The following RNF38 variants were observed in gnomAD, a reference collection of about 807,000 sequenced individuals.
RNF38 encodes E3 ubiquitin-protein ligase RNF38.
RNF38 carries 15 observed loss-of-function variants against 67.2 expected under a neutral mutation model. The observed-to-expected ratio is 0.22, with a 90% CI of 0.15 to 0.34. The LOEUF (loss-of-function observed/expected upper bound fraction) is 0.34. Among genes scored for constraint, RNF38 ranks in the 10% least tolerant of loss-of-function variants. The pLI is 1.00. For synonymous variants in RNF38, 220 were observed against 218.8 expected, an observed-to-expected ratio of 1.01 and a Z score of -0.05; for missense variants, 524 against 639.9, an observed-to-expected ratio of 0.82 and a Z score of 1.95.
chr9:36,462,294 A>G (rs893323130), intron 1 of RNF38, among the ~76,000 whole-genome samples: 26 of 152,220 alleles, frequency 1.7e-4, no homozygotes, highest in African/African-American at 5.5e-4. Context: ...CTTCCCAACT[A>G]TCACCAAGAT....
At chr9:36,468,477 G>C (rs927313466) in intron 1 of RNF38, among the ~76,000 whole-genome samples, 3 of 152,126 alleles carry the variant, frequency 2.0e-5, no homozygotes, top group African/African-American at 7.2e-5. Flanking sequence ...GAGAGGTAAA[G>C]AAAAGATATC....
intron 2 of RNF38, among the ~76,000 whole-genome samples, chr9:36,381,020 G>A (rs1368481681): frequency 6.6e-6 from 1 of 152,222 alleles, no homozygotes; most frequent in East Asian, 1.9e-4. Context: ...GTGGAAAAGA[G>A]AAGGAAACGT....
In RNF38 at chr9:36,337,895, G is replaced by C. The variant is rs1832565051; in HGVS notation, c.*1857C>G. On this transcript the variant is annotated 3_prime_UTR_variant, in exon 12 of 12. Coordinates refer to ENST00000259605, the MANE Select transcript of RNF38 (RefSeq NM_022781.5). ...ACCCTACTTGTAGGACTAGATAGAG[G>C]CAACAATGTCTCGCAAAGGGCAAAA... 6.6e-6 allele frequency: 1 copy of C among 152,646 alleles called. No individual in the cohort carries two copies. Among genetic ancestry groups the C allele is most frequent in the South Asian group, 2.1e-4 (1 of 4,830 alleles). 9.5% of individuals were successfully genotyped at this position (152,646 alleles called of 1,614,324 possible). A position where few individuals can be genotyped will look rare whatever the true frequency, so the allele number is the denominator to read the frequency against.
chr9:36,417,098 T>A lies in RNF38; in HGVS notation n.312+7515A>T, dbSNP rs10972890. Among the ~76,000 whole-genome samples, 1,050 of 152,216 alleles carry A rather than the reference T, an allele frequency of 6.9e-3. 17 individuals carry two copies. Among genetic ancestry groups the A allele is most frequent in the South Asian group, 0.064 (308 of 4,822 alleles). On this transcript the variant is annotated intron_variant and non_coding_transcript_variant, in intron 2 of 3. Coordinates refer to the RNF38 transcript ENST00000488058. ...TTTATATTTCATTTGGCTCTCTAAA[T>A]TCGTATCAGCTCCAGGTAAGGTTAA...
chr9:36,398,105 G>C (rs926573116), intron 1 of RNF38, among the ~76,000 whole-genome samples: 4 of 152,170 alleles, frequency 2.6e-5, no homozygotes, highest in African/African-American at 9.7e-5. Context: ...ATTATTGCTT[G>C]CCTGCCATAT....
At position 36,480,662 on chromosome 9, in the gene RNF38, G is replaced by A. The variant is rs187676506; in HGVS notation, n.241+6646C>T. Among the ~76,000 whole-genome samples, 429 of 141,256 alleles carry A rather than the reference G, an allele frequency of 3.0e-3. 2 individuals carry two copies. Among genetic ancestry groups the A allele is most frequent in the African/African-American group, 9.9e-3 (375 of 38,036 alleles). 92.7% of individuals were successfully genotyped at this position (141,256 alleles called of 152,430 possible). A position where few individuals can be genotyped will look rare whatever the true frequency, so the allele number is the denominator to read the frequency against. On this transcript the variant is annotated intron_variant and non_coding_transcript_variant, in intron 1 of 3. Transcript: ENST00000488058. ...CGCCTCCCAGGCTCAAGCGATTCTC[G>A]TGCCTCAGCCTCTCAAGCAGCTGAA...
intron 1 of RNF38, among the ~76,000 whole-genome samples, chr9:36,394,293 A>C (rs1837368170): frequency 6.6e-6 from 1 of 151,926 alleles, no homozygotes; most frequent in Admixed American, 6.6e-5. Context: ...GAAAAGAAAG[A>C]AATCACAGCT....
At chr9:36,470,297 T>C (rs774358840) in intron 1 of RNF38, among the ~76,000 whole-genome samples, 2 of 152,126 alleles carry the variant, frequency 1.3e-5, no homozygotes, top group Non-Finnish European at 2.9e-5. Context: ...ATCCCCCTGG[T>C]CTACCTCAGG....
Position 36,385,378 on chromosome 9 carries a change from A to T in RNF38, c.162+5089T>A, listed in dbSNP as rs561253469. On this transcript the variant is annotated intron_variant, in intron 2 of 11. Coordinates refer to ENST00000259605, the MANE Select transcript of RNF38 (RefSeq NM_022781.5). ...GTCTGCTGCTGGTCTGATCCACTAC[A>T]GCTTTTTTTTTTTTTTTTGGAGACA... Among the ~76,000 whole-genome samples the T allele has an allele frequency of 3.6e-5, 5 of 139,392 alleles. No individual in the cohort carries two copies. In the South Asian group the frequency reaches 1.1e-3, roughly 31 times the overall value. The allele number at this position is 139,392 out of a possible 152,430, so 91.4% of individuals were successfully genotyped here.
chr9:36,384,129 TGTAA>T (rs751713351), intron 2 of RNF38, among the ~76,000 whole-genome samples: 1 of 152,204 alleles, frequency 6.6e-6, no homozygotes, highest in South Asian at 2.1e-4. Flanking sequence ...ATGCTACAAT[TGTAA>T]GTATCACTAT....
chr9:36,449,257 C>T (rs1839379305), intron 1 of RNF38, among the ~76,000 whole-genome samples: 1 of 152,002 alleles, frequency 6.6e-6, no homozygotes, highest in South Asian at 2.1e-4. Context: ...ACAGCAGGAC[C>T]TCATTTCTAC....
At chr9:36,487,282 G>C (rs1840440526) in intron 1 of RNF38, 2 of 984,548 alleles carry the variant, frequency 2.0e-6, no homozygotes, top group Non-Finnish European at 2.4e-6. Flanking sequence ...GCCCCTCCCT[G>C]CCTGGCCCGC....
At chr9:36,377,535 A>G (rs1835879252) in intron 2 of RNF38, among the ~76,000 whole-genome samples, 1 of 152,174 alleles carries the variant, frequency 6.6e-6, no homozygotes, top group Non-Finnish European at 1.5e-5. Flanking sequence ...TTTTATTATC[A>G]TTATAATTAA....
upstream of RNF38, among the ~76,000 whole-genome samples, chr9:36,402,229 C>T (rs915326695): frequency 6.6e-6 from 1 of 152,156 alleles, no homozygotes; most frequent in African/African-American, 2.4e-5. Flanking sequence ...TATTAGGTCC[C>T]TATGAACATA....
chr9:36,412,215 C>T (rs184754056), intron 2 of RNF38, among the ~76,000 whole-genome samples: 9 of 152,324 alleles, frequency 5.9e-5, no homozygotes, highest in Non-Finnish European at 1.0e-4. Flanking sequence ...ATTCCCAATC[C>T]GCATCCACCA....
chr9:36,379,403 C>T (rs935822127), intron 2 of RNF38, among the ~76,000 whole-genome samples: 1 of 152,114 alleles, frequency 6.6e-6, no homozygotes, highest in African/African-American at 2.4e-5. Context: ...ATTATATTAA[C>T]ATCAGACTTC....
At chr9:36,446,572 T>A (rs1839305161) in intron 1 of RNF38, among the ~76,000 whole-genome samples, 1 of 152,076 alleles carries the variant, frequency 6.6e-6, no homozygotes, top group Non-Finnish European at 1.5e-5. Context: ...TTTGGGAAGC[T>A]GAGGCAGAAG....
rs1434040030 is a variant in RNF38, at chr9:36,351,129, C to T, written c.1249G>A (p.Val417Ile). The change falls in exon 9 of 12, where the codon GTA (valine) becomes ATA (isoleucine). Residue 417 changes from valine (V) to isoleucine (I), a missense_variant. Physicochemically the swap from Val to Ile is conservative, Grantham distance 29. Coordinates refer to ENST00000259605, the MANE Select transcript of RNF38 (RefSeq NM_022781.5). ...CATCTACTAACCTCGTAATTTTCTACTTCTCCATCTTCTACATCTAATTCA... is the reference window on the plus strand; with the variant it reads ...CATCTACTAACCTCGTAATTTTCTATTTCTCCATCTTCTACATCTAATTCA... ...SFELDVEDGE[V>I]ENYEALLNLA... is the part of the protein sequence containing the mutation. 6.2e-7 allele frequency: 1 copy of T among 1,610,450 alleles called. No homozygotes were observed. The highest frequency in any genetic ancestry group is 8.5e-7 in the Non-Finnish European group (1 of 1,177,472).
chr9:36,420,187 A>C (rs1228005124), intron 2 of RNF38, among the ~76,000 whole-genome samples: 1 of 152,132 alleles, frequency 6.6e-6, no homozygotes, highest in African/African-American at 2.4e-5. Context: ...CACTGATAAA[A>C]CTGGAATAAA....
Sources: allele counts gnomAD v4.1 joint callset (sites outside exome capture counted in the v4.1 genomes callset), GRCh38; gene constraint gnomAD v4.1.1; transcripts MANE v1.5; gene names NCBI Gene and HGNC (gene_info 2026-07-23, HGNC 2026-07-21).